The following UNC93A variants were observed in gnomAD, a reference collection of about 807,000 sequenced individuals.
UNC93A encodes unc-93 homolog A, also known as N-acetylglucosamine transporter UNC93A.
In UNC93A, 43 loss-of-function variants were observed where a neutral mutation model predicts 47.5. That is an observed-to-expected ratio of 0.91 (90% CI 0.71 to 1.17). UNC93A has a LOEUF of 1.17. Among genes scored for constraint, UNC93A ranks in the 50% most tolerant of loss-of-function variants. UNC93A has a pLI of 0.00. For synonymous variants in UNC93A, 280 were observed against 258.0 expected (o/e 1.09, Z -0.82); for missense variants, 605 against 577.6 (o/e 1.05, Z -0.49).
At position 167,298,024 on chromosome 6, in the gene UNC93A, G is replaced by C. The variant is rs145932416; in HGVS notation, c.579G>C (p.Gln193His). 3 of 1,613,842 alleles carry C rather than the reference G, an allele frequency of 1.9e-6. No homozygotes were observed. Among genetic ancestry groups the C allele is most frequent in the Non-Finnish European group, 2.5e-6 (3 of 1,179,990 alleles). Reference protein sequence around the residue: ...LMATTTTNSTQRPSQQLVYTL... With the variant: ...LMATTTTNSTHRPSQQLVYTL... ...CCACCACAACCACCAACAGCACCCA[G>C]AGGCCCTCCCAGCAGCTGGTCTACA... The change falls in exon 4 of 8, where the codon CAG becomes CAC. Residue 193 changes from glutamine (Q) to histidine (H), a missense_variant. Gln to His is a conservative substitution (Grantham distance 24, BLOSUM62 0). Coordinates refer to ENST00000230256, the MANE Select transcript of UNC93A (RefSeq NM_018974.4).
chr6:167,302,663 C>T (rs1778275513), intron 4 of UNC93A, among the ~76,000 whole-genome samples: 1 of 152,094 alleles, frequency 6.6e-6, no homozygotes, highest in East Asian at 1.9e-4. Flanking sequence ...GAGATTTAGT[C>T]ATATTTTGGA....
chr6:167,269,183 G>A (rs901514687), upstream of UNC93A, among the ~76,000 whole-genome samples: 8 of 152,194 alleles, frequency 5.3e-5, no homozygotes, highest in East Asian at 1.3e-3. Context: ...GGCGGAACAG[G>A]CAGGCTGTGC....
At chr6:167,269,192 G>T (rs1407569965), upstream of UNC93A, among the ~76,000 whole-genome samples, 2 of 152,216 alleles carry the variant, frequency 1.3e-5, no homozygotes, top group Non-Finnish European at 2.9e-5. Context: ...GGCAGGCTGT[G>T]CAGGGCTTGC....
intron 1 of UNC93A, among the ~76,000 whole-genome samples, chr6:167,283,938 A>G (rs206988): frequency 0.77 from 117,262 of 152,170 alleles, 46,047 homozygotes; most frequent in African/African-American, 0.93. Context: ...CTTTCATAGC[A>G]TCAGGATCTC....
intron 4 of UNC93A, among the ~76,000 whole-genome samples, chr6:167,300,897 G>A (rs1778224188): frequency 2.0e-5 from 3 of 152,206 alleles, no homozygotes; most frequent in South Asian, 4.1e-4. Flanking sequence ...TGGAGTGGGG[G>A]CTGCAGCCTT....
At chr6:167,308,975 C>T (rs560737373) in intron 7 of UNC93A, among the ~76,000 whole-genome samples, 5 of 152,010 alleles carry the variant, frequency 3.3e-5, no homozygotes, top group South Asian at 2.1e-4. Flanking sequence ...AGTGAGGACA[C>T]GGATGGGAGA....
chr6:167,309,927 G>A (rs1778511365), intron 7 of UNC93A, among the ~76,000 whole-genome samples: 1 of 152,200 alleles, frequency 6.6e-6, no homozygotes, highest in Non-Finnish European at 1.5e-5. Context: ...TCAAGGCCTG[G>A]AGGCTGGAAG....
upstream of UNC93A, among the ~76,000 whole-genome samples, chr6:167,287,948 C>T (rs558503452): frequency 1.1e-4 from 17 of 152,260 alleles, no homozygotes; most frequent in African/African-American, 3.6e-4. Flanking sequence ...GGTGCCTTAG[C>T]CCAATCAGAT....
rs571643492 is a variant in UNC93A at position 167,273,387 on chromosome 6, C to T, written c.-52+1929C>T. Reference sequence around the variant, plus strand: ...GACAGAGCCTCCTCCCCAGCCATGCCTCCTCATTGGCCCATGGGAGCTGCT... The same window carrying T: ...GACAGAGCCTCCTCCCCAGCCATGCTTCCTCATTGGCCCATGGGAGCTGCT... On this transcript the variant is annotated intron_variant, in intron 1 of 3. Transcript: ENST00000503433. Among the ~76,000 whole-genome samples, 6 of 152,308 alleles carry T rather than the reference C, an allele frequency of 3.9e-5. No homozygotes were observed. The South Asian group carries it at 1.0e-3, about 26-fold the overall frequency.
chr6:167,300,054 T>C, intron 4 of UNC93A, among the ~76,000 whole-genome samples: 1 of 139,994 alleles, frequency 7.1e-6, no homozygotes, highest in Admixed American at 6.9e-5. Flanking sequence ...GGGTTGGACA[T>C]GGTGTGGGGA....
rs964533690 is a variant in UNC93A at position 167,283,051 on chromosome 6, G to A, written c.-51-8388G>A. 2.6e-5 allele frequency among the ~76,000 whole-genome samples: 4 copies of A among 152,072 alleles called. No homozygotes were observed. The South Asian group carries it at 6.2e-4, about 24-fold the overall frequency. ...CCCTTAGAGACAACAGATGGCAAATGTTTCCCATTCAGACATTTAAAAAAT... is the reference window on the plus strand; with the variant it reads ...CCCTTAGAGACAACAGATGGCAAATATTTCCCATTCAGACATTTAAAAAAT... On this transcript the variant is annotated intron_variant, in intron 1 of 3. Transcript: ENST00000503433.
chr6:167,293,447 T>A (rs948497698), intron 1 of UNC93A, among the ~76,000 whole-genome samples: 2 of 152,190 alleles, frequency 1.3e-5, no homozygotes, highest in Admixed American at 6.5e-5. Context: ...GCGGACGTGC[T>A]TTAACCCTCT....
At position 167,314,250 on chromosome 6, in the gene UNC93A, A is replaced by G. The variant is rs146688544; in HGVS notation, c.1109-937A>G. Among the ~76,000 whole-genome samples the G allele has an allele frequency of 2.0e-3, 310 of 152,296 alleles. 1 individual carries two copies. In the Middle Eastern group the frequency reaches 0.027, roughly 13 times the overall value. ...ACTCCTGTGTGTCTTGCGCTGAACC[A>G]GGTGCCATGGAGTTTACAAAATTAA... On this transcript the variant is annotated intron_variant, in intron 7 of 7. Transcript: ENST00000230256.
intron 1 of UNC93A, 102 bp downstream of exon 1, chr6:167,291,678 C>A: frequency 1.8e-6 from 2 of 1,112,012 alleles, no homozygotes; most frequent in Non-Finnish European, 2.6e-6. Context: ...TCTAATTCAC[C>A]TGGTGTTTCT....
At chr6:167,290,571 C>T (rs182348188), upstream of UNC93A, among the ~76,000 whole-genome samples, 19 of 152,208 alleles carry the variant, frequency 1.2e-4, no homozygotes, top group East Asian at 1.2e-3. Context: ...AGACTTACCC[C>T]GTCTAATACA....
At chr6:167,296,009 A>G (rs1393677874) in intron 2 of UNC93A, 23 bp from the exon 3 acceptor site, 4 of 1,608,090 alleles carry the variant, frequency 2.5e-6, no homozygotes, top group East Asian at 2.2e-5. Context: ...GTTACAGGCT[A>G]TGGGTCTGCA....
At chr6:167,301,037 G>A (rs190781647) in intron 4 of UNC93A, among the ~76,000 whole-genome samples, 6 of 152,370 alleles carry the variant, frequency 3.9e-5, no homozygotes, top group South Asian at 4.1e-4. Context: ...GTAAGCAAAT[G>A]AGCATGCCTG....
chr6:167,280,607 G>A (rs192546473), intron 1 of UNC93A, among the ~76,000 whole-genome samples: 43 of 152,246 alleles, frequency 2.8e-4, no homozygotes, highest in African/African-American at 6.3e-4. Flanking sequence ...CCCCGAGGCC[G>A]CTCAGTCTAG....
At chr6:167,282,447 G>T (rs149767987) in intron 1 of UNC93A, among the ~76,000 whole-genome samples, 1 of 152,072 alleles carries the variant, frequency 6.6e-6, no homozygotes, top group Non-Finnish European at 1.5e-5. Flanking sequence ...AAGGTGGGGG[G>T]AGATTTGGGA....
Sources: allele counts gnomAD v4.1 joint callset (sites outside exome capture counted in the v4.1 genomes callset), GRCh38; gene constraint gnomAD v4.1.1; transcripts MANE v1.5; gene names NCBI Gene and HGNC (gene_info 2026-07-23, HGNC 2026-07-21).